PDGFC: variants seen among roughly 807,000 people sequenced by gnomAD.
The protein encoded by PDGFC is platelet derived growth factor C.
Under a neutral mutation model 35.5 loss-of-function variants are expected in PDGFC, and 12 were observed. The observed-to-expected ratio is 0.34, with a 90% CI of 0.22 to 0.55. The LOEUF is 0.55. Among genes scored for constraint, PDGFC ranks in the 20% least tolerant of loss-of-function variants. The pLI, the probability that PDGFC is intolerant of heterozygous loss-of-function variation, is 0.91. For missense variants in PDGFC, 322 were observed against 412.4 expected, an observed-to-expected ratio of 0.78 and a Z score of 1.90; for synonymous variants, 159 against 148.8, an observed-to-expected ratio of 1.07 and a Z score of -0.50.
At chr4:156,768,061 T>C (rs778443868) in intron 4 of PDGFC, 71 bp from the exon 5 acceptor site, 4 of 875,308 alleles carry the variant, frequency 4.6e-6, no homozygotes, top group African/African-American at 3.4e-5. Context: ...TTCATTAAGC[T>C]CTTTTCATAA....
At chr4:156,827,007 G>A (rs1044120699) in intron 2 of PDGFC, among the ~76,000 whole-genome samples, 2 of 152,172 alleles carry the variant, frequency 1.3e-5, no homozygotes, top group Non-Finnish European at 2.9e-5. Context: ...TATGTTTAAT[G>A]AATATCTATT....
At chr4:156,815,277 T>C (rs1256352773) in intron 2 of PDGFC, among the ~76,000 whole-genome samples, 2 of 151,668 alleles carry the variant, frequency 1.3e-5, no homozygotes, top group African/African-American at 4.8e-5. Flanking sequence ...ACACAATAAC[T>C]ATTAAGACAT....
intron 2 of PDGFC, among the ~76,000 whole-genome samples, chr4:156,842,918 T>G (rs900331762): frequency 6.6e-6 from 1 of 152,216 alleles, no homozygotes; most frequent in Admixed American, 6.5e-5. Flanking sequence ...TCATTATGAC[T>G]AATCTTTCTA....
intron 3 of PDGFC, among the ~76,000 whole-genome samples, chr4:156,786,641 G>A (rs1339543070): frequency 6.6e-6 from 1 of 152,204 alleles, no homozygotes; most frequent in Non-Finnish European, 1.5e-5. Context: ...TACTCTGGGT[G>A]ACTGGGGAGT....
chr4:156,820,573 T>C (rs1277858082), intron 2 of PDGFC, among the ~76,000 whole-genome samples: 1 of 152,248 alleles, frequency 6.6e-6, no homozygotes, highest in Non-Finnish European at 1.5e-5. Flanking sequence ...CACGTGATTG[T>C]ATTGTGATAT....
chr4:156,816,979 T>C (rs1294016479), intron 2 of PDGFC, among the ~76,000 whole-genome samples: 1 of 152,210 alleles, frequency 6.6e-6, no homozygotes, highest in Admixed American at 6.5e-5. Context: ...AAATTCTTTA[T>C]GAAGAGTTTT....
intron 2 of PDGFC, among the ~76,000 whole-genome samples, chr4:156,838,303 G>T (rs1373922433): frequency 6.6e-6 from 1 of 152,210 alleles, no homozygotes; most frequent in African/African-American, 2.4e-5. Context: ...TAGGACAACA[G>T]TTGGCTCTCA....
chr4:156,796,063 T>C (rs958784795), intron 3 of PDGFC, among the ~76,000 whole-genome samples: 2 of 152,192 alleles, frequency 1.3e-5, no homozygotes, highest in East Asian at 3.8e-4. Flanking sequence ...TTGTAATCTT[T>C]AATCTATGAT....
chr4:156,905,295 A>G (rs149995908), intron 1 of PDGFC, among the ~76,000 whole-genome samples: 1 of 152,274 alleles, frequency 6.6e-6, no homozygotes, highest in East Asian at 1.9e-4. Context: ...TGTCCCTTAT[A>G]TGACAGACAC....
intron 3 of PDGFC, among the ~76,000 whole-genome samples, chr4:156,804,732 CTATT>C: frequency 6.6e-6 from 1 of 151,962 alleles, no homozygotes. Flanking sequence ...TGAAGAAAAA[CTATT>C]TAATTTATAA....
intron 2 of PDGFC, among the ~76,000 whole-genome samples, chr4:156,832,501 C>T (rs1360269551): frequency 5.3e-5 from 8 of 152,116 alleles, no homozygotes; most frequent in Non-Finnish European, 7.4e-5. Context: ...GTGATCCACC[C>T]GCCTCTGCCT....
intron 2 of PDGFC, chr4:156,835,879 T>C (rs988181749): frequency 2.0e-5 from 3 of 152,142 alleles, no homozygotes; most frequent in Non-Finnish European, 2.9e-5. Context: ...GTAATCCCAA[T>C]ACTTTGTGTA....
At chr4:156,886,769 C>A (rs1173093885) in intron 1 of PDGFC, 1 of 152,134 alleles carries the variant, frequency 6.6e-6, no homozygotes, top group African/African-American at 2.4e-5. Flanking sequence ...TATCTGGACA[C>A]AACTATGTGA....
chr4:156,903,108 T>A (rs111328766), intron 1 of PDGFC, among the ~76,000 whole-genome samples: 116 of 71,170 alleles, frequency 1.6e-3, no homozygotes, highest in African/African-American at 3.5e-3. Flanking sequence ...AGAGAGAGTG[T>A]GTGTGTGTGT....
At chr4:156,932,917 TAACACACACACACA>T (rs1020954430) in intron 1 of PDGFC, among the ~76,000 whole-genome samples, 50 of 151,732 alleles carry the variant, frequency 3.3e-4, no homozygotes, top group African/African-American at 9.7e-4. Flanking sequence ...AAGAAGTTTC[TAACACACACACACA>T]AACACACACA....
At chr4:156,935,447 G>A (rs567521564) in intron 1 of PDGFC, among the ~76,000 whole-genome samples, 1 of 152,264 alleles carries the variant, frequency 6.6e-6, no homozygotes, top group Non-Finnish European at 1.5e-5. Context: ...TTACAGGGCT[G>A]GCAGTGCAGG....
At position 156,893,486 on chromosome 4, in the gene PDGFC, G is replaced by GT. The variant is rs1250949223; in HGVS notation, c.119-43071dup. 5.3e-5 allele frequency among the ~76,000 whole-genome samples: 8 copies of GT among 151,884 alleles called. No individual in the cohort carries two copies. The South Asian group carries it at 6.2e-4, about 12-fold the overall frequency. ...GGACTATAGGTGCATGATTTTTTAA[G>GT]TTTTTTATTTTATTTTATTTTATTT... On this transcript the variant is annotated intron_variant, in intron 1 of 5. Coordinates refer to ENST00000502773, the MANE Select transcript of PDGFC (RefSeq NM_016205.3).
At chr4:156,895,286 A>G (rs1730604355) in intron 1 of PDGFC, among the ~76,000 whole-genome samples, 1 of 152,236 alleles carries the variant, frequency 6.6e-6, no homozygotes, top group Non-Finnish European at 1.5e-5. Context: ...TCTATATGAT[A>G]TACAAAAATT....
intron 3 of PDGFC, among the ~76,000 whole-genome samples, chr4:156,784,062 T>C (rs746979027): frequency 6.6e-6 from 1 of 152,202 alleles, no homozygotes; most frequent in Non-Finnish European, 1.5e-5. Flanking sequence ...TGGAGGTGTA[T>C]TGACACGCAT....
Sources: allele counts gnomAD v4.1 joint callset (sites outside exome capture counted in the v4.1 genomes callset), GRCh38; gene constraint gnomAD v4.1.1; transcripts MANE v1.5; gene names NCBI Gene and HGNC (gene_info 2026-07-23, HGNC 2026-07-21).